MAF: variants seen among roughly 807,000 people sequenced by gnomAD.
MAF encodes the protein transcription factor Maf.
MAF carries 10 observed loss-of-function variants against 22.0 expected under a neutral mutation model. The ratio of observed to expected loss-of-function variants is 0.45; its 90% CI spans 0.28 to 0.77. MAF has a LOEUF of 0.77. Among genes scored for constraint, MAF ranks in the 30% least tolerant of loss-of-function variants. MAF has a pLI of 0.12. For synonymous variants in MAF, 337 were observed against 255.8 expected, an observed-to-expected ratio of 1.32 and a Z score of -3.03; for missense variants, 544 against 548.4, an observed-to-expected ratio of 0.99 and a Z score of 0.08.
the MAF span, among the ~76,000 whole-genome samples, chr16:79,225,146 A>T: frequency 6.6e-6 from 1 of 152,236 alleles, no homozygotes; most frequent in African/African-American, 2.4e-5. Flanking sequence ...AAAGCATGGT[A>T]CTGGTGCCAA....
chr16:79,474,358 G>C, the MAF span, among the ~76,000 whole-genome samples: 58 of 152,314 alleles, frequency 3.8e-4, no homozygotes, highest in African/African-American at 1.3e-3. Flanking sequence ...AATCATGCTT[G>C]ATGAATCCAC....
the MAF span, among the ~76,000 whole-genome samples, chr16:79,231,769 G>C: frequency 1.3e-5 from 2 of 152,052 alleles, no homozygotes; most frequent in Non-Finnish European, 2.9e-5. Flanking sequence ...GTTTCGGGAT[G>C]ATTTAAGCAC....
the MAF span, among the ~76,000 whole-genome samples, chr16:79,445,528 A>G: frequency 6.6e-6 from 1 of 152,198 alleles, no homozygotes; most frequent in African/African-American, 2.4e-5. Flanking sequence ...AGAAGGCTGT[A>G]AGTCCAGAGT....
the MAF span, among the ~76,000 whole-genome samples, chr16:79,416,300 A>G: frequency 6.6e-6 from 1 of 152,154 alleles, no homozygotes; most frequent in Non-Finnish European, 1.5e-5. Flanking sequence ...CCTTTCATTC[A>G]TTTAGCCATG....
rs147754185 is a variant in MAF at position 79,586,513 on chromosome 16, G to C, written c.1119-572C>G. On this transcript the variant is annotated intron_variant, in intron 1 of 1. Coordinates refer to the MAF transcript ENST00000569649. ...CAGCTTAGATACTGCCTCTTTATTT[G>C]TTAACTTCTGCCCTGTTTAAATTAG... 7.9e-3 allele frequency among the ~76,000 whole-genome samples: 1,203 copies of C among 152,294 alleles called. 12 individuals carry two copies. The highest frequency in any genetic ancestry group is 0.014 in the Non-Finnish European group (985 of 68,028).
the MAF span, among the ~76,000 whole-genome samples, chr16:79,238,907 G>C: frequency 2.0e-5 from 3 of 151,948 alleles, no homozygotes; most frequent in African/African-American, 4.8e-5. Flanking sequence ...ACCTGGACTT[G>C]TTTGCTCTGA....
At chr16:79,332,159 C>G in the MAF span, among the ~76,000 whole-genome samples, 8 of 152,196 alleles carry the variant, frequency 5.3e-5, no homozygotes, top group Admixed American at 5.2e-4. Context: ...TGCTCCAACT[C>G]TGCCACTATT....
At position 79,594,077 on chromosome 16, in the gene MAF, C is replaced by G. The variant is rs1029951855; in HGVS notation, c.*383G>C. 4.1e-6 allele frequency: 1 copy of G among 241,866 alleles called. No individual in the cohort carries two copies. The highest frequency in any genetic ancestry group is 2.2e-5 in the African/African-American group (1 of 44,866). 15.0% of individuals were successfully genotyped at this position (241,866 alleles called of 1,614,324 possible). On this transcript the variant is annotated 3_prime_UTR_variant, in exon 2 of 2. Coordinates refer to ENST00000326043, the MANE Select transcript of MAF (RefSeq NM_005360.5). ...AGAAACAATGAAGCATGAAAAAGTACTATTTAGAATGTGCATGCCTATATA... is the reference window on the plus strand; with the variant it reads ...AGAAACAATGAAGCATGAAAAAGTAGTATTTAGAATGTGCATGCCTATATA...
chr16:79,463,195 G>A, the MAF span, among the ~76,000 whole-genome samples: 1 of 152,194 alleles, frequency 6.6e-6, no homozygotes, highest in Non-Finnish European at 1.5e-5. Context: ...AAAGAAAAGA[G>A]CAAAGCAGAA....
the MAF span, among the ~76,000 whole-genome samples, chr16:79,512,899 T>C: frequency 6.6e-6 from 1 of 152,170 alleles, no homozygotes; most frequent in Admixed American, 6.5e-5. Context: ...TATACCTGTA[T>C]AGGCACACGC....
At chr16:79,236,955 A>AC in the MAF span, among the ~76,000 whole-genome samples, 10 of 151,708 alleles carry the variant, frequency 6.6e-5, no homozygotes, top group African/African-American at 9.7e-5. Flanking sequence ...AAAAAAAAAA[A>AC]AAAACTCAAA....
At chr16:79,379,159 C>A in the MAF span, among the ~76,000 whole-genome samples, 1 of 152,132 alleles carries the variant, frequency 6.6e-6, no homozygotes, top group South Asian at 2.1e-4. Context: ...AATCCTGGCA[C>A]AAGAATGTTC....
chr16:79,330,880 C>G, the MAF span, among the ~76,000 whole-genome samples: 2 of 152,306 alleles, frequency 1.3e-5, no homozygotes, highest in East Asian at 3.9e-4. Flanking sequence ...GCCAGGCCTG[C>G]CTGACTCCAA....
the MAF span, among the ~76,000 whole-genome samples, chr16:79,232,732 C>A: frequency 6.6e-6 from 1 of 151,888 alleles, no homozygotes; most frequent in Admixed American, 6.6e-5. Context: ...GCCTTCCCTC[C>A]CATTTGATCT....
At chr16:79,276,781 G>C in the MAF span, among the ~76,000 whole-genome samples, 13 of 152,082 alleles carry the variant, frequency 8.5e-5, no homozygotes, top group African/African-American at 3.1e-4. Flanking sequence ...ACCATAAAAC[G>C]CATGGCCTAG....
At position 79,600,179 on chromosome 16, in the gene MAF, C is replaced by A. The variant is rs1454841890; in HGVS notation, c.-277G>T. The stretch of plus-strand genomic sequence containing the variant: ...CCCTCCTTGCTCGCTCGCCTCCTTG[C>A]GCGCCGAGCCGGCGGCTTCAGGCTC... On this transcript the variant is annotated 5_prime_UTR_variant, in exon 1 of 2. Coordinates refer to ENST00000326043, the MANE Select transcript of MAF (RefSeq NM_005360.5). The A allele has an allele frequency of 7.9e-6, 3 of 380,144 alleles. No individual in the cohort carries two copies. The highest frequency in any genetic ancestry group is 9.3e-5 in the East Asian group (2 of 21,568). 23.5% of individuals were successfully genotyped at this position (380,144 alleles called of 1,614,324 possible). A position where few individuals can be genotyped will look rare whatever the true frequency, so the allele number is the denominator to read the frequency against.
At chr16:79,437,142 CTCTCTGTG>C in the MAF span, among the ~76,000 whole-genome samples, 3 of 39,302 alleles carry the variant, frequency 7.6e-5, no homozygotes, top group Non-Finnish European at 2.0e-4. Flanking sequence ...AGCTCTCTCT[CTCTCTGTG>C]TGTGTGTGTG....
chr16:79,513,859 T>C, the MAF span, among the ~76,000 whole-genome samples: 4 of 152,320 alleles, frequency 2.6e-5, no homozygotes, highest in East Asian at 5.8e-4. Flanking sequence ...CTGTGTCCCA[T>C]GCAAACTTTC....
chr16:79,230,841 G>A, the MAF span, among the ~76,000 whole-genome samples: 9 of 151,934 alleles, frequency 5.9e-5, no homozygotes, highest in Admixed American at 2.6e-4. Flanking sequence ...TTTATTTTGG[G>A]ATGAAGATAG....
Sources: gnomAD v4.1 joint callset for allele counts (sites outside exome capture counted in the v4.1 genomes callset) on GRCh38, gnomAD v4.1.1 for gene constraint, MANE v1.5 for transcripts, NCBI Gene and HGNC (gene_info 2026-07-23, HGNC 2026-07-21) for gene names.